The following PHF21B variants were observed in gnomAD, a reference collection of about 807,000 sequenced individuals.
PHF21B encodes the protein PHD finger protein 21B.
In PHF21B, 22 loss-of-function variants were observed where a neutral mutation model predicts 62.2. The ratio of observed to expected loss-of-function variants is 0.35; its 90% CI spans 0.25 to 0.51. The LOEUF (loss-of-function observed/expected upper bound fraction) is 0.51. Among genes scored for constraint, PHF21B ranks in the 20% least tolerant of loss-of-function variants. PHF21B has a pLI of 0.97. For missense variants in PHF21B, 701 were observed against 707.9 expected (o/e 0.99, Z 0.11); for synonymous variants, 341 against 314.7 (o/e 1.08, Z -0.88).
chr22:44,915,849 T>C (rs1367291738), intron 4 of PHF21B, among the ~76,000 whole-genome samples: 1 of 152,196 alleles, frequency 6.6e-6, no homozygotes, highest in Non-Finnish European at 1.5e-5. Context: ...TGGGAGATTG[T>C]GCACTTGGGC....
At chr22:44,960,185 C>T (rs116305353) in intron 2 of PHF21B, among the ~76,000 whole-genome samples, 7,759 of 152,274 alleles carry the variant, frequency 0.051, 324 homozygotes, top group South Asian at 0.16. Flanking sequence ...GCTGAGGCCT[C>T]CACAAGCCAC....
chr22:44,947,719 T>A (rs1253315446), intron 2 of PHF21B, among the ~76,000 whole-genome samples: 1 of 152,214 alleles, frequency 6.6e-6, no homozygotes, highest in African/African-American at 2.4e-5. Context: ...AGGATAGGGG[T>A]CAGGTGGAGT....
At chr22:44,933,618 G>A (rs1601614639) in intron 2 of PHF21B, 1 of 835,520 alleles carries the variant, frequency 1.2e-6, no homozygotes, top group Non-Finnish European at 1.4e-6. Context: ...TAAGCGTTAA[G>A]TGGGGTGGGG....
At chr22:44,913,246 G>A (rs915097714) in intron 5 of PHF21B, among the ~76,000 whole-genome samples, 1 of 152,202 alleles carries the variant, frequency 6.6e-6, no homozygotes, top group African/African-American at 2.4e-5. Context: ...CCAGCCTGGG[G>A]CACAGCTACT....
chr22:44,893,300 G>A (rs183911050), intron 7 of PHF21B, among the ~76,000 whole-genome samples, 157 bp downstream of exon 7: 1 of 152,210 alleles, frequency 6.6e-6, no homozygotes. Flanking sequence ...GGTGATGAGA[G>A]AGATGATTTA....
At chr22:44,989,351 T>C (rs1409600217) in intron 2 of PHF21B, 1 of 152,204 alleles carries the variant, frequency 6.6e-6, no homozygotes, top group Non-Finnish European at 1.5e-5. Context: ...TGGATTTTAT[T>C]TGTGGGTGCC....
At chr22:44,980,876 CCA>C (rs2072828718) in intron 2 of PHF21B, among the ~76,000 whole-genome samples, 1 of 152,200 alleles carries the variant, frequency 6.6e-6, no homozygotes, top group African/African-American at 2.4e-5. Flanking sequence ...GCACTGCCGC[CCA>C]GAGTCATCAC....
At chr22:44,913,075 C>T (rs1446760966) in intron 5 of PHF21B, among the ~76,000 whole-genome samples, 1 of 152,086 alleles carries the variant, frequency 6.6e-6, no homozygotes, top group Non-Finnish European at 1.5e-5. Flanking sequence ...TGTCCCCGCG[C>T]CACCATCAGT....
rs115510090 is a variant in PHF21B, at chr22:44,965,483, T to G, written c.120+43062A>C. On this transcript the variant is annotated intron_variant, in intron 2 of 12. Coordinates refer to ENST00000313237, the MANE Select transcript of PHF21B (RefSeq NM_138415.5). ...CTGCCACTTCCGACTTTTTCCATCC[T>G]GCACGGCCCTGGTCCTCCTGTCAGT... Among the ~76,000 whole-genome samples the G allele has an allele frequency of 4.3e-3, 599 of 138,842 alleles. 6 individuals are homozygous for G. The highest frequency in any genetic ancestry group is 0.015 in the African/African-American group (586 of 38,052). The allele number at this position is 138,842 out of a possible 152,430, so 91.1% of individuals were successfully genotyped here. A position where few individuals can be genotyped will look rare whatever the true frequency, so the allele number is the denominator to read the frequency against.
chr22:44,937,728 G>A (rs369609571), intron 2 of PHF21B, among the ~76,000 whole-genome samples: 1 of 152,222 alleles, frequency 6.6e-6, no homozygotes, highest in Non-Finnish European at 1.5e-5. Flanking sequence ...GGACCCCCAC[G>A]CCACGGGATG....
chr22:44,994,607 C>A (rs1216892701), intron 2 of PHF21B, among the ~76,000 whole-genome samples: 2 of 152,232 alleles, frequency 1.3e-5, no homozygotes, highest in Non-Finnish European at 2.9e-5. Flanking sequence ...GACACTCACA[C>A]AGCAGAGAAG....
chr22:44,904,408 G>C (rs2071213775), intron 5 of PHF21B, among the ~76,000 whole-genome samples: 1 of 152,052 alleles, frequency 6.6e-6, no homozygotes, highest in Admixed American at 6.6e-5. Context: ...CAAAAGCACA[G>C]TTCTTTTAAG....
intron 2 of PHF21B, among the ~76,000 whole-genome samples, chr22:44,964,260 T>C (rs796854792): frequency 2.0e-5 from 3 of 152,292 alleles, no homozygotes; most frequent in African/African-American, 4.8e-5. Context: ...GTTTAACCAT[T>C]ATCTTCCCTA....
chr22:44,958,779 A>T (rs9614992), intron 2 of PHF21B, among the ~76,000 whole-genome samples: 1 of 150,854 alleles, frequency 6.6e-6, no homozygotes, highest in South Asian at 2.1e-4. Context: ...CTAATTTTTT[A>T]TTTTTATTTT....
chr22:44,943,547 C>T (rs1340493458), intron 2 of PHF21B, among the ~76,000 whole-genome samples: 1 of 151,992 alleles, frequency 6.6e-6, no homozygotes, highest in East Asian at 1.9e-4. Flanking sequence ...GGGACACGGG[C>T]AGCTGCACGC....
intron 2 of PHF21B, among the ~76,000 whole-genome samples, chr22:44,950,259 G>A (rs938152964): frequency 4.6e-5 from 7 of 152,312 alleles, no homozygotes; most frequent in Admixed American, 3.9e-4. Flanking sequence ...CGGTAGACTC[G>A]TCAACCCTGG....
intron 2 of PHF21B, among the ~76,000 whole-genome samples, chr22:44,934,463 C>T (rs534769883): frequency 6.6e-6 from 1 of 152,126 alleles, no homozygotes; most frequent in Non-Finnish European, 1.5e-5. Context: ...GGGACAACAT[C>T]GTCCCAGGCA....
intron 2 of PHF21B, among the ~76,000 whole-genome samples, chr22:44,978,351 TG>T (rs2072776539): frequency 6.6e-6 from 1 of 152,140 alleles, no homozygotes. Context: ...CCTGTGATTT[TG>T]TTTTTGTTTG....
intron 7 of PHF21B, among the ~76,000 whole-genome samples, chr22:44,891,985 C>A (rs2070974148): frequency 6.6e-6 from 1 of 152,118 alleles, no homozygotes; most frequent in South Asian, 2.1e-4. Context: ...GGGGAAGGGC[C>A]CCCTCGGGCT....
Sources: gnomAD v4.1 joint callset for allele counts (sites outside exome capture counted in the v4.1 genomes callset) on GRCh38, gnomAD v4.1.1 for gene constraint, MANE v1.5 for transcripts, NCBI Gene and HGNC (gene_info 2026-07-23, HGNC 2026-07-21) for gene names.